The following CDH13 variants were observed in gnomAD, a reference collection of about 807,000 sequenced individuals.
CDH13 encodes the protein cadherin 13.
CDH13 carries 24 observed loss-of-function variants against 63.8 expected under a neutral mutation model. The ratio of observed to expected loss-of-function variants is 0.38; its 90% CI spans 0.27 to 0.53. The LOEUF is 0.53. CDH13 is among the 20% of genes least tolerant of loss of function. The pLI, the probability that CDH13 is intolerant of heterozygous loss-of-function variation, is 0.85. For missense variants in CDH13, 1,049 were observed against 903.1 expected (o/e 1.16, Z -2.07); for synonymous variants, 503 against 355.3 (o/e 1.42, Z -4.67).
intron 1 of CDH13, among the ~76,000 whole-genome samples, chr16:82,833,797 A>G (rs564096927): frequency 3.5e-4 from 53 of 152,306 alleles, no homozygotes; most frequent in African/African-American, 1.3e-3. Context: ...TACAGCAGCT[A>G]CTGGGGAGGG....
intron 6 of CDH13, among the ~76,000 whole-genome samples, chr16:83,368,673 C>T (rs1263092376): frequency 3.6e-5 from 5 of 140,748 alleles, no homozygotes; most frequent in Non-Finnish European, 7.9e-5. Context: ...TTGCCATGCC[C>T]AACCCTTTCC....
At chr16:82,688,325 G>A (rs1915292203) in intron 1 of CDH13, among the ~76,000 whole-genome samples, 1 of 152,156 alleles carries the variant, frequency 6.6e-6, no homozygotes, top group African/African-American at 2.4e-5. Context: ...AAAGCGCTAA[G>A]GCAAACCATA....
chr16:83,786,359 G>C (rs1915878658), intron 13 of CDH13, among the ~76,000 whole-genome samples: 1 of 152,122 alleles, frequency 6.6e-6, no homozygotes, highest in African/African-American at 2.4e-5. Flanking sequence ...GAACCACTTA[G>C]GAAACATTTT....
intron 1 of CDH13, among the ~76,000 whole-genome samples, chr16:82,759,769 C>T (rs900233992): frequency 2.4e-4 from 37 of 152,014 alleles, no homozygotes; most frequent in Non-Finnish European, 5.9e-5. Flanking sequence ...GGTTCTGCCT[C>T]TTGACTCACT....
chr16:82,634,645 T>G (rs1236195261), intron 1 of CDH13, among the ~76,000 whole-genome samples: 2 of 152,212 alleles, frequency 1.3e-5, no homozygotes, highest in Admixed American at 1.3e-4. Flanking sequence ...AACAACAGAG[T>G]TGAGACTGTC....
At chr16:83,725,188 G>A (rs1910235689) in intron 10 of CDH13, among the ~76,000 whole-genome samples, 1 of 152,236 alleles carries the variant, frequency 6.6e-6, no homozygotes, top group Non-Finnish European at 1.5e-5. Flanking sequence ...GCTGGGCTCA[G>A]ACTTGCAGGT....
intron 3 of CDH13, among the ~76,000 whole-genome samples, chr16:83,106,235 T>A (rs1014050800): frequency 6.6e-6 from 1 of 152,120 alleles, no homozygotes; most frequent in Non-Finnish European, 1.5e-5. Context: ...AAGAAACAAT[T>A]GGAAGCACTT....
Position 83,612,368 on chromosome 16 carries a change from G to C in CDH13, c.1101+9774G>C, listed in dbSNP as rs980117617. Among the ~76,000 whole-genome samples, 4 of 151,572 alleles carry C rather than the reference G, an allele frequency of 2.6e-5. 1 individual carries two copies. The highest frequency in any genetic ancestry group is 2.6e-4 in the Admixed American group (4 of 15,246). On this transcript the variant is annotated intron_variant, in intron 8 of 13. Coordinates refer to ENST00000567109, the MANE Select transcript of CDH13 (RefSeq NM_001257.5). ...GTGTCATCATGGTATATTTCTTTCT[G>C]TCATTTTTTTCTTTCTGACTTTCTG...
At chr16:83,275,613 C>A (rs180909830) in intron 5 of CDH13, among the ~76,000 whole-genome samples, 4 of 152,164 alleles carry the variant, frequency 2.6e-5, no homozygotes, top group Admixed American at 2.0e-4. Flanking sequence ...GCACCATTTT[C>A]CTCCTGGCAT....
intron 6 of CDH13, among the ~76,000 whole-genome samples, chr16:83,354,151 G>C (rs998267418): frequency 2.0e-5 from 3 of 152,186 alleles, no homozygotes; most frequent in African/African-American, 7.2e-5. Flanking sequence ...CGGTTGAGCA[G>C]CTGCAAAGCA....
At chr16:83,439,723 C>G (rs974904696) in intron 6 of CDH13, among the ~76,000 whole-genome samples, 4 of 152,194 alleles carry the variant, frequency 2.6e-5, no homozygotes, top group African/African-American at 9.6e-5. Flanking sequence ...GTGGCCTTAT[C>G]TGATGTTGGT....
At chr16:83,516,855 T>C (rs963273695) in intron 7 of CDH13, among the ~76,000 whole-genome samples, 1 of 152,240 alleles carries the variant, frequency 6.6e-6, no homozygotes, top group African/African-American at 2.4e-5. Flanking sequence ...TCCCACCTTG[T>C]TGGGGAAAGC....
intron 1 of CDH13, among the ~76,000 whole-genome samples, chr16:82,818,605 G>C (rs904538136): frequency 6.6e-6 from 1 of 152,176 alleles, no homozygotes; most frequent in African/African-American, 2.4e-5. Context: ...TTCATTTAAA[G>C]TTATGATAGC....
At chr16:83,564,535 A>T (rs1034981316) in intron 7 of CDH13, among the ~76,000 whole-genome samples, 1 of 151,252 alleles carries the variant, frequency 6.6e-6, no homozygotes, top group Non-Finnish European at 1.5e-5. Context: ...CAGTCTGCTG[A>T]GTAGCTGGTA....
chr16:82,862,911 C>T (rs932512673), intron 2 of CDH13, among the ~76,000 whole-genome samples: 1 of 152,162 alleles, frequency 6.6e-6, no homozygotes, highest in Non-Finnish European at 1.5e-5. Flanking sequence ...TAGCTTCCAG[C>T]TTTTATCACT....
At chr16:83,268,269 G>A (rs1045316591) in intron 5 of CDH13, among the ~76,000 whole-genome samples, 3 of 152,196 alleles carry the variant, frequency 2.0e-5, no homozygotes, top group South Asian at 4.1e-4. Context: ...ATGTAGGAGA[G>A]GAACTTCCAT....
At chr16:83,429,348 C>T (rs1166997255) in intron 6 of CDH13, among the ~76,000 whole-genome samples, 1 of 152,188 alleles carries the variant, frequency 6.6e-6, no homozygotes, top group Non-Finnish European at 1.5e-5. Context: ...GCAAACCTCT[C>T]CTTTAATATG....
intron 10 of CDH13, among the ~76,000 whole-genome samples, chr16:83,728,446 T>A (rs1256688615): frequency 6.6e-6 from 1 of 152,048 alleles, no homozygotes; most frequent in Non-Finnish European, 1.5e-5. Flanking sequence ...CCTGCCAATA[T>A]GTGCAATGCA....
chr16:83,294,200 G>A (rs529218476), intron 5 of CDH13, among the ~76,000 whole-genome samples: 3 of 152,062 alleles, frequency 2.0e-5, no homozygotes, highest in Non-Finnish European at 4.4e-5. Context: ...TCTAGCTAAT[G>A]AACATATGCA....
Sources: gnomAD v4.1 joint callset for allele counts (sites outside exome capture counted in the v4.1 genomes callset) on GRCh38, gnomAD v4.1.1 for gene constraint, MANE v1.5 for transcripts, NCBI Gene and HGNC (gene_info 2026-07-23, HGNC 2026-07-21) for gene names.